SAMMSON: variants seen among roughly 807,000 people sequenced by gnomAD.
SAMMSON encodes the protein long intergenic non-protein coding RNA 1212.
intron 7 of SAMMSON, among the ~76,000 whole-genome samples, chr3:70,318,790 T>A (rs1483811576): frequency 2.6e-5 from 4 of 152,036 alleles, no homozygotes; most frequent in Non-Finnish European, 5.9e-5. Flanking sequence ...GTAGTTAAAT[T>A]ACTGGTATAA....
At chr3:70,293,045 CAAAAAA>C (rs55990203) in intron 7 of SAMMSON, among the ~76,000 whole-genome samples, 19,790 of 74,344 alleles carry the variant, frequency 0.27, 1,170 homozygotes, top group South Asian at 0.36. Context: ...TGGTTTGAAG[CAAAAAA>C]AAAAAAAAAA....
At chr3:70,370,955 A>G (rs1006773115) in intron 9 of SAMMSON, among the ~76,000 whole-genome samples, 1 of 151,914 alleles carries the variant, frequency 6.6e-6, no homozygotes, top group African/African-American at 2.4e-5. Flanking sequence ...TTGGGTCTTA[A>G]GTTTAAGTCT....
intron 7 of SAMMSON, among the ~76,000 whole-genome samples, chr3:70,334,486 A>T (rs6806168): frequency 0.73 from 110,226 of 151,752 alleles, 40,466 homozygotes; most frequent in Middle Eastern, 0.78. Flanking sequence ...GTAGGGATTT[A>T]AATGAGAAAA....
chr3:70,354,311 C>T (rs1428208064), intron 8 of SAMMSON: 1 of 151,966 alleles, frequency 6.6e-6, no homozygotes, highest in Non-Finnish European at 1.5e-5. Flanking sequence ...TATAATTTAG[C>T]AAGTATTTGT....
At chr3:70,239,208 A>G (rs7628347) in intron 4 of SAMMSON, among the ~76,000 whole-genome samples, 13,894 of 152,252 alleles carry the variant, frequency 0.091, 1,086 homozygotes, top group African/African-American at 0.22. Context: ...TACTCAGTTC[A>G]ACTATGTCAT....
chr3:70,334,470 T>G (rs1428338302), intron 7 of SAMMSON, among the ~76,000 whole-genome samples: 3 of 152,002 alleles, frequency 2.0e-5, no homozygotes, highest in African/African-American at 7.2e-5. Context: ...AAATTATGTT[T>G]CACTAGTAGG....
chr3:70,109,907 T>C (rs1246514947), intron 4 of SAMMSON, among the ~76,000 whole-genome samples: 1 of 152,264 alleles, frequency 6.6e-6, no homozygotes, highest in Non-Finnish European at 1.5e-5. Context: ...ATATTTATTG[T>C]GCAACTGCTA....
At chr3:70,014,990 C>G (rs886628876) in intron 3 of SAMMSON, 2 of 152,158 alleles carry the variant, frequency 1.3e-5, no homozygotes, top group African/African-American at 4.8e-5. Flanking sequence ...AGATGTAAAA[C>G]CATCTTGGGG....
intron 7 of SAMMSON, among the ~76,000 whole-genome samples, chr3:70,297,808 TATC>T (rs1287117814): frequency 5.3e-5 from 8 of 152,230 alleles, no homozygotes; most frequent in Non-Finnish European, 1.0e-4. Flanking sequence ...AAAGTGTTAT[TATC>T]ATAAACTCAC....
chr3:70,013,342 G>T (rs147181938), intron 2 of SAMMSON, among the ~76,000 whole-genome samples: 1 of 152,128 alleles, frequency 6.6e-6, no homozygotes, highest in Non-Finnish European at 1.5e-5. Context: ...GTTATGAGGA[G>T]TAAAATCATA....
intron 6 of SAMMSON, among the ~76,000 whole-genome samples, chr3:70,265,785 A>G (rs1701911507): frequency 6.6e-6 from 1 of 152,192 alleles, no homozygotes. Flanking sequence ...ACTTATAATC[A>G]TGATGGGAGG....
chr3:70,281,564 G>T (rs1345048843), intron 6 of SAMMSON, among the ~76,000 whole-genome samples: 2 of 152,066 alleles, frequency 1.3e-5, no homozygotes, highest in Non-Finnish European at 2.9e-5. Context: ...CAGGGTAAAA[G>T]CTCAAAACAA....
At chr3:70,306,889 A>T (rs889579607) in intron 7 of SAMMSON, among the ~76,000 whole-genome samples, 1 of 152,134 alleles carries the variant, frequency 6.6e-6, no homozygotes, top group Non-Finnish European at 1.5e-5. Context: ...CATATGTATA[A>T]ATATGTATGT....
Position 70,119,456 on chromosome 3 carries a change from C to T in SAMMSON, n.507+47891C>T, listed in dbSNP as rs2067424392. On this transcript the variant is annotated intron_variant and non_coding_transcript_variant, in intron 4 of 9. Coordinates refer to ENST00000642114, the Ensembl canonical transcript of SAMMSON. ...TAATTAGGACTGGGCTGAAATAGCACATAGAACAGAAAATTTTATAATAAA... is the reference window on the plus strand; with the variant it reads ...TAATTAGGACTGGGCTGAAATAGCATATAGAACAGAAAATTTTATAATAAA... Among the ~76,000 whole-genome samples the T allele has an allele frequency of 2.0e-5, 3 of 152,068 alleles. No homozygotes were observed. In the South Asian group the frequency reaches 6.2e-4, roughly 32 times the overall value.
chr3:70,051,446 T>G (rs780514206), intron 3 of SAMMSON, among the ~76,000 whole-genome samples: 48 of 145,342 alleles, frequency 3.3e-4, no homozygotes, highest in Admixed American at 4.1e-4. Flanking sequence ...TTTGCCATTC[T>G]AATGGCAAAA....
chr3:70,015,591 T>C (rs1576096663), intron 3 of SAMMSON, among the ~76,000 whole-genome samples: 1 of 152,120 alleles, frequency 6.6e-6, no homozygotes, highest in East Asian at 1.9e-4. Flanking sequence ...ATACTTTAAG[T>C]TCTAGGGTAC....
chr3:70,286,369 A>G (rs2106687466), intron 6 of SAMMSON, among the ~76,000 whole-genome samples: 1 of 152,172 alleles, frequency 6.6e-6, no homozygotes, highest in African/African-American at 2.4e-5. Context: ...AGATAGTTGT[A>G]GATATGTGGC....
intron 4 of SAMMSON, among the ~76,000 whole-genome samples, chr3:70,244,672 C>T (rs767155513): frequency 6.6e-6 from 1 of 152,122 alleles, no homozygotes; most frequent in Non-Finnish European, 1.5e-5. Flanking sequence ...ATAATAGACT[C>T]AAATTTGATG....
At chr3:70,393,440 T>G (rs1701066192), downstream of SAMMSON, among the ~76,000 whole-genome samples, 1 of 152,204 alleles carries the variant, frequency 6.6e-6, no homozygotes, top group African/African-American at 2.4e-5. Flanking sequence ...CTATCACTTG[T>G]TTATGAATTC....
Sources: allele counts gnomAD v4.1 joint callset (sites outside exome capture counted in the v4.1 genomes callset), GRCh38; gene constraint gnomAD v4.1.1; transcripts MANE v1.5; gene names NCBI Gene and HGNC (gene_info 2026-07-23, HGNC 2026-07-21).